Variants in BLTP1 observed in about 807,000 individuals in gnomAD.
The protein encoded by BLTP1 is fragile site-associated protein.
At chr4:122,172,843 G>T in the BLTP1 span, 3 of 689,432 alleles carry the variant, frequency 4.4e-6, no homozygotes, top group Non-Finnish European at 5.4e-6. Context: ...ATGAAAGCAG[G>T]CATACTTGAA....
At chr4:122,349,681 C>A in the BLTP1 span, 1 of 1,565,302 alleles carries the variant, frequency 6.4e-7, no homozygotes. This position sits in a 1 kb window ranked among gnomAD's most constrained non-coding sequence, Gnocchi z 4.5. Context: ...CTTTACATGA[C>A]TGTTCTCAAC....
the BLTP1 span, chr4:122,220,284 A>C: frequency 1.3e-6 from 2 of 1,586,404 alleles, no homozygotes; most frequent in East Asian, 4.5e-5. Context: ...ATACTTCCTT[A>C]CTTTTTGCCT....
chr4:122,349,345 A>G, the BLTP1 span: 1 of 1,603,114 alleles, frequency 6.2e-7, no homozygotes, highest in Admixed American at 1.7e-5. The surrounding 1 kb of genome is among the most constrained non-coding windows in gnomAD (Gnocchi z 4.5). Context: ...CTGACCTAAC[A>G]TATCCTTAAG....
chr4:122,274,604 T>C, the BLTP1 span: 1 of 980,452 alleles, frequency 1.0e-6, no homozygotes, highest in Non-Finnish European at 1.2e-6. Flanking sequence ...AGAAAAATAC[T>C]TTTTGTCTTT....
chr4:122,266,928 C>A, the BLTP1 span: 1 of 1,592,564 alleles, frequency 6.3e-7, no homozygotes, highest in East Asian at 2.3e-5. Context: ...TCAGACACAG[C>A]CAAAGAGAGA....
chr4:122,201,689 A>G, the BLTP1 span, among the ~76,000 whole-genome samples: 1 of 152,158 alleles, frequency 6.6e-6, no homozygotes, highest in Admixed American at 6.5e-5. Context: ...TAGCATAAAT[A>G]TTACTACATT....
At chr4:122,309,953 A>G in the BLTP1 span, among the ~76,000 whole-genome samples, 1 of 152,122 alleles carries the variant, frequency 6.6e-6, no homozygotes, top group Non-Finnish European at 1.5e-5. Flanking sequence ...AAGGTTGGGT[A>G]TAACTAAAGC....
chr4:122,184,409 C>T, the BLTP1 span, among the ~76,000 whole-genome samples: 128 of 152,168 alleles, frequency 8.4e-4, 2 homozygotes, highest in Non-Finnish European at 1.4e-3. Context: ...AAGGCTGAGG[C>T]GGGCAGATCA....
At chr4:122,339,339 A>C in the BLTP1 span, 1 of 1,613,404 alleles carries the variant, frequency 6.2e-7, no homozygotes, top group Non-Finnish European at 8.5e-7. Flanking sequence ...TCCTGCAGAG[A>C]CTTTATCCCC....
the BLTP1 span, among the ~76,000 whole-genome samples, chr4:122,319,572 C>T: frequency 8.3e-5 from 12 of 145,160 alleles, no homozygotes; most frequent in East Asian, 1.0e-3. Context: ...CACAGAGTCT[C>T]GCTCTGTTGC....
At chr4:122,223,865 A>T in the BLTP1 span, 1 of 388,968 alleles carries the variant, frequency 2.6e-6, no homozygotes, top group African/African-American at 2.2e-5. Context: ...AACTTATTTG[A>T]TTCTTTATTC....
the BLTP1 span, chr4:122,298,890 A>G: frequency 1.0e-6 from 1 of 985,292 alleles, no homozygotes; most frequent in Non-Finnish European, 1.2e-6. Context: ...ATGAGATAAG[A>G]ATTGTGGGAG....
chr4:122,272,272 G>C, the BLTP1 span: 1 of 1,613,376 alleles, frequency 6.2e-7, no homozygotes. Context: ...CTGAACCTCA[G>C]CATGTTACTC....
chr4:122,157,003 C>A, the BLTP1 span, among the ~76,000 whole-genome samples: 2 of 152,156 alleles, frequency 1.3e-5, no homozygotes, highest in Non-Finnish European at 2.9e-5. Flanking sequence ...ATGGTTCACT[C>A]TTGTAATCAG....
At chr4:122,306,855 T>A in the BLTP1 span, 1 of 199,078 alleles carries the variant, frequency 5.0e-6, no homozygotes, top group Admixed American at 6.5e-5. Context: ...CCATTTAAGA[T>A]CTTCATCAGT....
the BLTP1 span, chr4:122,229,386 C>T: frequency 3.7e-5 from 21 of 575,334 alleles, no homozygotes; most frequent in East Asian, 6.8e-4. Flanking sequence ...TTTTACTAAT[C>T]CATGTTCTCT....
chr4:122,282,647 A>AC, the BLTP1 span, among the ~76,000 whole-genome samples: 1 of 152,168 alleles, frequency 6.6e-6, no homozygotes, highest in Admixed American at 6.5e-5. Context: ...ATCTCAAAAA[A>AC]AAAGGCAGTC....
the BLTP1 span, among the ~76,000 whole-genome samples, chr4:122,236,043 A>G: frequency 1.3e-5 from 2 of 152,224 alleles, no homozygotes; most frequent in Non-Finnish European, 2.9e-5. Context: ...AAAAGTCTTG[A>G]TACTTCACGA....
At chr4:122,228,548 T>C in the BLTP1 span, among the ~76,000 whole-genome samples, 1 of 152,230 alleles carries the variant, frequency 6.6e-6, no homozygotes, top group East Asian at 1.9e-4. Flanking sequence ...ATGAGCATTT[T>C]CATGCTATTG....
Sources: allele counts gnomAD v4.1 joint callset (sites outside exome capture counted in the v4.1 genomes callset), GRCh38; gene constraint gnomAD v4.1.1; non-coding constraint Gnocchi (gnomAD v3.1); transcripts MANE v1.5; gene names NCBI Gene and HGNC (gene_info 2026-07-23, HGNC 2026-07-21).